Variants in PRDM10 observed in about 807,000 individuals in gnomAD.
The protein encoded by PRDM10 is PR/SET domain 10.
PRDM10 carries 65 observed loss-of-function variants against 133.1 expected under a neutral mutation model. The ratio of observed to expected loss-of-function variants is 0.49; its 90% CI spans 0.40 to 0.60. The LOEUF (loss-of-function observed/expected upper bound fraction) is 0.60, where lower values mean the gene tolerates loss of function less well. PRDM10 is among the 20% of genes least tolerant of loss of function. The pLI, the probability that PRDM10 is intolerant of heterozygous loss-of-function variation, is 0.00. For missense variants in PRDM10, 1,137 were observed against 1,507.1 expected (o/e 0.75, Z 4.07); for synonymous variants, 582 against 580.4 (o/e 1.00, Z -0.04).
chr11:129,939,751 G>T (rs566915492), intron 7 of PRDM10, among the ~76,000 whole-genome samples: 2 of 152,196 alleles, frequency 1.3e-5, no homozygotes, highest in Non-Finnish European at 2.9e-5. Flanking sequence ...CAAGGCTGGC[G>T]TGCATCCTGC....
chr11:129,919,448 A>G (rs1950457443), intron 13 of PRDM10, among the ~76,000 whole-genome samples: 1 of 152,226 alleles, frequency 6.6e-6, no homozygotes, highest in African/African-American at 2.4e-5. Context: ...GAATTTAAGT[A>G]AGAATCTCTA....
intron 2 of PRDM10, 56 bp from the exon 3 acceptor site, chr11:129,957,966 C>T (rs1951728400): frequency 5.9e-6 from 9 of 1,536,752 alleles, no homozygotes; most frequent in South Asian, 1.2e-5. Context: ...AAGTGATCAA[C>T]AAGCACACCT....
At position 129,915,762 on chromosome 11, in the gene PRDM10, A is replaced by G; in HGVS notation, c.2424T>C (p.Pro808=). ...PSIRKLRPAG[P]GEPDPMLSTH... ...TGCTCAGCATGGGGTCTGGCTCTCCAGGACCAGCGGGTCGGAGCTTCCGAA... is the reference window on the plus strand; with the variant it reads ...TGCTCAGCATGGGGTCTGGCTCTCCGGGACCAGCGGGTCGGAGCTTCCGAA... Residue 808 remains proline, a synonymous_variant, in exon 16 of 21, where the codon CCT becomes CCC. Coordinates refer to ENST00000360871, the MANE Select transcript of PRDM10 (RefSeq NM_199437.2). The G allele has an allele frequency of 6.2e-7, 1 of 1,613,968 alleles. No individual in the cohort carries two copies. Among genetic ancestry groups the G allele is most frequent in the Admixed American group, 1.7e-5 (1 of 60,006 alleles).
Position 129,918,801 on chromosome 11 carries a change from C to T in PRDM10, c.2035-83G>A. 7.4e-7 allele frequency: 1 copy of T among 1,350,240 alleles called. No homozygotes were observed. Among genetic ancestry groups the T allele is most frequent in the Admixed American group, 2.1e-5 (1 of 47,430 alleles). 83.6% of individuals were successfully genotyped at this position (1,350,240 alleles called of 1,614,324 possible). ...GAAGGGATCATTTTAAAAATCAATACAAATTAGCAGTCACCACAAGCCTCC... is the reference window on the plus strand; with the variant it reads ...GAAGGGATCATTTTAAAAATCAATATAAATTAGCAGTCACCACAAGCCTCC... On this transcript the variant is annotated intron_variant, in intron 13 of 20. Transcript: ENST00000360871. The surrounding 1 kb of genome is among the most constrained non-coding windows in gnomAD (Gnocchi z 5.3).
At chr11:130,001,173 G>A (rs963805121) in intron 1 of PRDM10, among the ~76,000 whole-genome samples, 1 of 151,510 alleles carries the variant, frequency 6.6e-6, no homozygotes, top group African/African-American at 2.4e-5. Context: ...ACGCTGCTTT[G>A]CCCCCAACCA....
At position 129,914,989 on chromosome 11, in the gene PRDM10, C is replaced by T. The variant is rs1182169022; in HGVS notation, c.2556G>A (p.Lys852=). 2.5e-6 allele frequency: 4 copies of T among 1,605,136 alleles called. No homozygotes were observed. In the African/African-American group the frequency reaches 4.0e-5, roughly 16 times the overall value. ...TGGAGAGCTGGGCGAACTCTGGATGCTTCTTTCGAATGTGCTGGACCATCT... is the reference window on the plus strand; with the variant it reads ...TGGAGAGCTGGGCGAACTCTGGATGTTTCTTTCGAATGTGCTGGACCATCT... The part of the protein sequence containing the change: ...KTKMVQHIRK[K]HPEFAQLSNT... Residue 852 remains lysine, a synonymous_variant, in exon 17 of 21, where the codon AAG becomes AAA. Coordinates refer to ENST00000360871, the MANE Select transcript of PRDM10 (RefSeq NM_199437.2).
chr11:129,984,574 A>G (rs1235931131), intron 1 of PRDM10, among the ~76,000 whole-genome samples: 2 of 152,038 alleles, frequency 1.3e-5, no homozygotes, highest in East Asian at 1.9e-4. Flanking sequence ...GGCACATTCT[A>G]GAGTGTCTAC....
At chr11:129,974,225 T>A (rs1279021254) in intron 1 of PRDM10, among the ~76,000 whole-genome samples, 2 of 152,160 alleles carry the variant, frequency 1.3e-5, no homozygotes, top group African/African-American at 4.8e-5. Flanking sequence ...CACTTATATA[T>A]GTTACATGAA....
At chr11:129,908,982 G>A (rs772484262) in intron 19 of PRDM10, among the ~76,000 whole-genome samples, 34 of 151,112 alleles carry the variant, frequency 2.2e-4, no homozygotes, top group Non-Finnish European at 2.2e-4. Context: ...CGCCCACCTC[G>A]GCCTCCCAAA....
chr11:129,905,423 T>C (rs1949984173), intron 20 of PRDM10, among the ~76,000 whole-genome samples: 1 of 149,910 alleles, frequency 6.7e-6, no homozygotes, highest in African/African-American at 2.5e-5. Flanking sequence ...CAGTTATTAA[T>C]TGAACAGATA....
intron 11 of PRDM10, among the ~76,000 whole-genome samples, chr11:129,927,891 T>C (rs569632182): frequency 1.3e-5 from 2 of 150,782 alleles, no homozygotes; most frequent in South Asian, 2.1e-4. Flanking sequence ...TCATGACAAA[T>C]GTCGGAGAGA....
intron 7 of PRDM10, 101 bp downstream of exon 7, chr11:129,942,325 T>G: frequency 1.6e-6 from 2 of 1,241,750 alleles, no homozygotes; most frequent in Non-Finnish European, 1.1e-6. Flanking sequence ...CCCCTCCCCC[T>G]TTTTTGTTAA....
chr11:129,980,381 C>T (rs1321438886), intron 1 of PRDM10, among the ~76,000 whole-genome samples: 1 of 152,254 alleles, frequency 6.6e-6, no homozygotes, highest in Non-Finnish European at 1.5e-5. Flanking sequence ...ACAACAGCAG[C>T]GGTGGACTCT....
intron 13 of PRDM10, among the ~76,000 whole-genome samples, chr11:129,919,228 G>A (rs1048060158): frequency 6.6e-6 from 1 of 152,020 alleles, no homozygotes; most frequent in African/African-American, 2.4e-5. Flanking sequence ...AAAATTAGCT[G>A]GGTGTGGTGG....
chr11:129,953,475 G>A (rs1476947505), intron 4 of PRDM10, among the ~76,000 whole-genome samples: 1 of 151,730 alleles, frequency 6.6e-6, no homozygotes, highest in Non-Finnish European at 1.5e-5. Flanking sequence ...TGTATTTTTA[G>A]TAGAGACAGG....
intron 4 of PRDM10, among the ~76,000 whole-genome samples, chr11:129,949,853 G>T (rs1951534345): frequency 6.6e-6 from 1 of 152,070 alleles, no homozygotes; most frequent in African/African-American, 2.4e-5. Context: ...AGAATCACTT[G>T]AACCCAGGAG....
intron 10 of PRDM10, among the ~76,000 whole-genome samples, chr11:129,931,688 T>A (rs1425043711): frequency 6.6e-6 from 1 of 151,568 alleles, no homozygotes; most frequent in African/African-American, 2.4e-5. Context: ...TGCCTCCGCC[T>A]CCCGAGTAGC....
Position 129,935,858 on chromosome 11 carries a change from A to C in PRDM10, c.1040-640T>G, listed in dbSNP as rs539773051. Among the ~76,000 whole-genome samples the C allele has an allele frequency of 4.6e-5, 7 of 152,362 alleles. No individual in the cohort carries two copies. The South Asian group carries it at 1.5e-3, about 32-fold the overall frequency. Reference sequence around the variant, plus strand: ...GTCCCTAGTTGGTAACCTTTAAGTCACTGGAATTTCCTGAGTAACAGGAGT... The same window carrying C: ...GTCCCTAGTTGGTAACCTTTAAGTCCCTGGAATTTCCTGAGTAACAGGAGT... On this transcript the variant is annotated intron_variant, in intron 8 of 20. Transcript: ENST00000360871.
chr11:129,945,803 T>TTA lies in PRDM10; in HGVS notation c.521-793_521-792dup, dbSNP rs1247196384. On this transcript the variant is annotated intron_variant, in intron 5 of 20. Coordinates refer to ENST00000360871, the MANE Select transcript of PRDM10 (RefSeq NM_199437.2). This position sits in a 1 kb window ranked among gnomAD's most constrained non-coding sequence, Gnocchi z 4.2. Reference sequence around the variant, plus strand: ...CTTAACACACTTAACATGCTTTACCTTACTCCAGCTGCATGGTGACCTGGT... The same window carrying TTA: ...CTTAACACACTTAACATGCTTTACCTTATACTCCAGCTGCATGGTGACCTGGT... 6.6e-6 allele frequency among the ~76,000 whole-genome samples: 1 copy of TTA among 152,238 alleles called. No homozygotes were observed. Among genetic ancestry groups the TTA allele is most frequent in the Non-Finnish European group, 1.5e-5 (1 of 68,044 alleles).
Sources: allele counts gnomAD v4.1 joint callset (sites outside exome capture counted in the v4.1 genomes callset), GRCh38; gene constraint gnomAD v4.1.1; non-coding constraint Gnocchi (gnomAD v3.1); transcripts MANE v1.5; gene names NCBI Gene and HGNC (gene_info 2026-07-23, HGNC 2026-07-21).